PDE3A: variants seen among roughly 807,000 people sequenced by gnomAD.
The protein encoded by PDE3A is phosphodiesterase 3A.
A neutral mutation model predicts 98.3 loss-of-function variants in PDE3A; 43 were observed. The ratio of observed to expected loss-of-function variants is 0.44; its 90% confidence interval spans 0.34 to 0.56. The LOEUF (loss-of-function observed/expected upper bound fraction) is 0.56. Ranked by LOEUF, PDE3A falls within the 20% of genes least tolerant of loss-of-function variation. The pLI is 0.01. For missense variants in PDE3A, 1,427 were observed against 1,440.7 expected (o/e 0.99, Z 0.15); for synonymous variants, 663 against 567.9 (o/e 1.17, Z -2.38).
intron 15 of PDE3A, among the ~76,000 whole-genome samples, chr12:20,660,112 T>C (rs1945129709): frequency 6.6e-6 from 1 of 152,122 alleles, no homozygotes; most frequent in Non-Finnish European, 1.5e-5. Context: ...ACTGTTCTCA[T>C]GACAGTGAGT....
chr12:20,541,181 C>G (rs578172212), intron 1 of PDE3A, among the ~76,000 whole-genome samples: 1 of 137,970 alleles, frequency 7.2e-6, no homozygotes, highest in Non-Finnish European at 1.5e-5. Flanking sequence ...ACTATAGCCT[C>G]GAACTCCTGG....
intron 1 of PDE3A, among the ~76,000 whole-genome samples, chr12:20,484,856 A>C (rs1945698154): frequency 6.6e-6 from 1 of 152,078 alleles, no homozygotes; most frequent in Non-Finnish European, 1.5e-5. Flanking sequence ...TATCATCTTC[A>C]AAGATTTATT....
intron 2 of PDE3A, among the ~76,000 whole-genome samples, chr12:20,606,522 T>G (rs992700182): frequency 2.0e-5 from 3 of 152,050 alleles, no homozygotes; most frequent in African/African-American, 4.8e-5. Context: ...TTTTATCATA[T>G]CAGTACTGCA....
At chr12:20,655,132 A>G (rs1354488088) in intron 15 of PDE3A, among the ~76,000 whole-genome samples, 1 of 152,212 alleles carries the variant, frequency 6.6e-6, no homozygotes, top group African/African-American at 2.4e-5. Context: ...AGTATTATTT[A>G]CTGTAGTGAT....
rs1171395172 is a variant in PDE3A at position 20,613,649 on chromosome 12, C to T, written c.1218C>T (p.Thr406=). Residue 406 remains threonine (T), a synonymous_variant, in exon 3 of 16, where the codon ACC becomes ACT. Coordinates refer to ENST00000359062, the MANE Select transcript of PDE3A (RefSeq NM_000921.5). The part of the protein sequence containing the change: ...NPVTSLSENY[T]CSDSEESSEK... ...TCACTTCGCTCAGTGAAAACTATAC[C>T]TGTTCTGACTCTGAAGAGAGCTCTG... 6.2e-7 allele frequency: 1 copy of T among 1,613,676 alleles called. No homozygotes were observed. Among genetic ancestry groups the T allele is most frequent in the Non-Finnish European group, 8.5e-7 (1 of 1,179,588 alleles).
rs569215431 is a variant in PDE3A at position 20,388,274 on chromosome 12, A to G, written c.960+18030A>G. Among the ~76,000 whole-genome samples the G allele has an allele frequency of 1.6e-4, 24 of 152,104 alleles. 4 individuals carry two copies. The highest frequency in any genetic ancestry group is 1.4e-3 in the East Asian group (7 of 5,154). On this transcript the variant is annotated intron_variant, in intron 1 of 15. Transcript: ENST00000359062. ...GTCCCAGATGGCTGGACAGGCTTAAAATTTCTTATAAAATTGGAGATCCTA... is the reference window on the plus strand; with the variant it reads ...GTCCCAGATGGCTGGACAGGCTTAAGATTTCTTATAAAATTGGAGATCCTA...
At chr12:20,671,026 G>A (rs1343236853) in intron 15 of PDE3A, among the ~76,000 whole-genome samples, 7 of 113,444 alleles carry the variant, frequency 6.2e-5, no homozygotes, top group South Asian at 6.3e-4. Flanking sequence ...TATCACCACC[G>A]ATCCCACAGA....
intron 1 of PDE3A, among the ~76,000 whole-genome samples, chr12:20,476,694 C>A (rs532968529): frequency 6.6e-6 from 1 of 152,162 alleles, no homozygotes; most frequent in South Asian, 2.1e-4. Context: ...ACTATGAATC[C>A]CTTGAACATA....
At chr12:20,523,466 G>A (rs981338077) in intron 1 of PDE3A, among the ~76,000 whole-genome samples, 1 of 152,076 alleles carries the variant, frequency 6.6e-6, no homozygotes, top group Non-Finnish European at 1.5e-5. Context: ...TTCCTCTATT[G>A]AACTTTCAAC....
rs751497506 is a variant in PDE3A, at chr12:20,556,804, G to A, written c.1011+94G>A. The A allele has an allele frequency of 1.3e-5, 11 of 866,532 alleles. No homozygotes were observed. The African/African-American group carries it at 1.4e-4, about 11-fold the overall frequency. 53.7% of individuals were successfully genotyped at this position (866,532 alleles called of 1,614,324 possible). On this transcript the variant is annotated intron_variant, in intron 2 of 15. Transcript: ENST00000359062. ...CTCAAGAGATAATAAAATGTGGAGC[G>A]AGGAAGAGGCAAAATAACCATGCCA...
chr12:20,462,760 A>G (rs1449148065), intron 1 of PDE3A, among the ~76,000 whole-genome samples: 1 of 152,132 alleles, frequency 6.6e-6, no homozygotes, highest in East Asian at 1.9e-4. Context: ...ACGTCTTGTA[A>G]AATATCAACA....
intron 14 of PDE3A, among the ~76,000 whole-genome samples, chr12:20,653,654 G>GCATTTT (rs1236314107): frequency 3.9e-5 from 6 of 152,120 alleles, no homozygotes; most frequent in Admixed American, 3.9e-4. Context: ...CCTCACCATT[G>GCATTTT]CATTTTCGTG....
At chr12:20,424,334 A>C (rs1944569752) in intron 1 of PDE3A, among the ~76,000 whole-genome samples, 1 of 152,138 alleles carries the variant, frequency 6.6e-6, no homozygotes, top group African/African-American at 2.4e-5. Context: ...AGGCCTCTCA[A>C]CTTTTCTTTA....
At chr12:20,435,061 C>A (rs536445348) in intron 1 of PDE3A, among the ~76,000 whole-genome samples, 14 of 152,254 alleles carry the variant, frequency 9.2e-5, no homozygotes, top group African/African-American at 3.1e-4. Flanking sequence ...ATGTATGGAG[C>A]ACCTACTACA....
chr12:20,549,376 C>A (rs564956583), intron 1 of PDE3A, among the ~76,000 whole-genome samples: 12 of 150,208 alleles, frequency 8.0e-5, no homozygotes, highest in African/African-American at 2.9e-4. Flanking sequence ...GTCCCTACCC[C>A]CATCATTGCC....
chr12:20,370,862 G>T (rs1943460259), intron 1 of PDE3A, among the ~76,000 whole-genome samples: 1 of 152,084 alleles, frequency 6.6e-6, no homozygotes, highest in African/African-American at 2.4e-5. Context: ...TATAATTTAG[G>T]GGCATACATT....
At chr12:20,630,825 T>C (rs1442999113) in intron 6 of PDE3A, among the ~76,000 whole-genome samples, 1 of 152,180 alleles carries the variant, frequency 6.6e-6, no homozygotes, top group Non-Finnish European at 1.5e-5. Context: ...TAAAGCATTA[T>C]GGTATTTTTT....
chr12:20,485,199 G>GA (rs942697152), intron 1 of PDE3A, among the ~76,000 whole-genome samples: 1 of 152,110 alleles, frequency 6.6e-6, no homozygotes, highest in Non-Finnish European at 1.5e-5. Flanking sequence ...GGCTGCGAGG[G>GA]AAAATCTATT....
intron 15 of PDE3A, among the ~76,000 whole-genome samples, chr12:20,678,295 AC>A (rs1945689656): frequency 2.0e-5 from 3 of 151,944 alleles, no homozygotes; most frequent in Non-Finnish European, 2.9e-5. Context: ...CTTCTTCCTT[AC>A]CTTAGGCATT....
Sources: gnomAD v4.1 joint callset for allele counts (sites outside exome capture counted in the v4.1 genomes callset) on GRCh38, gnomAD v4.1.1 for gene constraint, MANE v1.5 for transcripts, NCBI Gene and HGNC (gene_info 2026-07-23, HGNC 2026-07-21) for gene names.